The following PTGER3 variants were observed in gnomAD, a reference collection of about 807,000 sequenced individuals.
PTGER3 encodes prostaglandin E receptor 3.
In PTGER3, 22 loss-of-function variants were observed where a neutral mutation model predicts 34.7. The ratio of observed to expected loss-of-function variants is 0.63; its 90% CI spans 0.45 to 0.91. The LOEUF is 0.91. Ranked by LOEUF, PTGER3 falls within the 40% of genes least tolerant of loss-of-function variation. The probability of loss-of-function intolerance (pLI) is 0.00; values close to 1 mark genes in which losing one functional copy is unlikely to be tolerated. For missense variants in PTGER3, 468 were observed against 519.4 expected (o/e 0.90, Z 0.96); for synonymous variants, 241 against 230.1 (o/e 1.05, Z -0.43).
chr1:71,043,411 A>G (rs1660480010), intron 1 of PTGER3, among the ~76,000 whole-genome samples: 1 of 152,190 alleles, frequency 6.6e-6, no homozygotes, highest in South Asian at 2.1e-4. Context: ...ACCTCTATTT[A>G]AGTATTTATG....
chr1:71,006,588 T>C (rs1412175223), intron 2 of PTGER3: 2 of 979,674 alleles, frequency 2.0e-6, no homozygotes, highest in Admixed American at 1.2e-4. Flanking sequence ...AGAACAATAA[T>C]CTTGAGATAA....
At chr1:70,917,632 A>C (rs367742758) in intron 4 of PTGER3, among the ~76,000 whole-genome samples, 1 of 151,784 alleles carries the variant, frequency 6.6e-6, no homozygotes, top group Admixed American at 6.6e-5. Flanking sequence ...GGAACCCCCA[A>C]ATTGTTTTCC....
At chr1:70,920,197 T>A (rs1449850597) in intron 4 of PTGER3, among the ~76,000 whole-genome samples, 1 of 152,150 alleles carries the variant, frequency 6.6e-6, no homozygotes, top group Admixed American at 6.6e-5. Flanking sequence ...CAAGGTGAAA[T>A]GAATGTTCAA....
intron 2 of PTGER3, among the ~76,000 whole-genome samples, chr1:70,955,873 T>C (rs1435961307): frequency 6.6e-6 from 1 of 152,134 alleles, no homozygotes; most frequent in Non-Finnish European, 1.5e-5. Flanking sequence ...ATTATACATT[T>C]ATTTTTTGGA....
intron 2 of PTGER3, chr1:71,010,608 T>C: frequency 1.0e-6 from 1 of 984,878 alleles, no homozygotes; most frequent in Non-Finnish European, 1.2e-6. Context: ...CAGTGCACTT[T>C]TGAAAAAAAG....
chr1:70,887,872 TTC>T (rs1646531224), intron 4 of PTGER3, among the ~76,000 whole-genome samples: 1 of 151,778 alleles, frequency 6.6e-6, no homozygotes, highest in South Asian at 2.1e-4. Context: ...GAAACATATT[TTC>T]TTTCTTCCAT....
At chr1:70,940,152 G>A (rs1220822169) in intron 4 of PTGER3, among the ~76,000 whole-genome samples, 1 of 152,130 alleles carries the variant, frequency 6.6e-6, no homozygotes, top group Non-Finnish European at 1.5e-5. Context: ...TAGGGCAGGG[G>A]CAAAATGCCA....
chr1:70,925,839 C>G (rs1379563955), intron 4 of PTGER3, among the ~76,000 whole-genome samples: 1 of 152,014 alleles, frequency 6.6e-6, no homozygotes, highest in Non-Finnish European at 1.5e-5. Flanking sequence ...TCGGTAGTGG[C>G]TTCATAGGCA....
At position 70,869,349 on chromosome 1, in the gene PTGER3, A is replaced by G. The variant is rs113414183; in HGVS notation, c.*24-16490T>C. On this transcript the variant is annotated intron_variant, in intron 4 of 4. Transcript: ENST00000370931. ...ATTGGGGAATACAATTCAACATGAG[A>G]TTTGGGCATGGACAAATATCCAAAC... The G allele has an allele frequency of 2.6e-3, 1,203 of 462,426 alleles. 12 individuals carry two copies. The highest frequency in any genetic ancestry group is 0.022 in the African/African-American group (1,096 of 49,898). The allele number at this position is 462,426 out of a possible 1,614,324, so 28.6% of individuals were successfully genotyped here.
intron 2 of PTGER3, chr1:71,011,090 T>G (rs1572924482): frequency 9.1e-6 from 9 of 985,752 alleles, no homozygotes; most frequent in Non-Finnish European, 1.1e-5. Flanking sequence ...TGGGGAGACA[T>G]TTTTAAGAAG....
intron 2 of PTGER3, chr1:71,006,552 A>C: frequency 1.0e-6 from 1 of 983,398 alleles, no homozygotes; most frequent in Non-Finnish European, 1.2e-6. Context: ...TAAGCTTACA[A>C]TAATTTATAA....
downstream of PTGER3, among the ~76,000 whole-genome samples, chr1:70,966,142 C>G (rs147870024): frequency 0.012 from 1,771 of 152,298 alleles, 33 homozygotes; most frequent in African/African-American, 0.041. Context: ...TATATTTTCT[C>G]CTGTTCTCAT....
chr1:71,039,649 CAAAAAAAAAAA>C (rs1183485427), intron 1 of PTGER3, among the ~76,000 whole-genome samples: 1 of 54,476 alleles, frequency 1.8e-5, no homozygotes. Flanking sequence ...GACTCTGTCT[CAAAAAAAAAAA>C]AAAAAAAAAA....
At chr1:70,931,738 TG>T (rs926629318) in intron 4 of PTGER3, among the ~76,000 whole-genome samples, 2 of 152,162 alleles carry the variant, frequency 1.3e-5, no homozygotes, top group African/African-American at 4.8e-5. Context: ...GCCCACAGCA[TG>T]GGAACCCTGA....
At chr1:71,014,043 T>C (rs1657677902) in intron 1 of PTGER3, among the ~76,000 whole-genome samples, 2 of 152,234 alleles carry the variant, frequency 1.3e-5, no homozygotes, top group African/African-American at 4.8e-5. Flanking sequence ...TTGTGTTAAA[T>C]AAACATATAT....
intron 4 of PTGER3, among the ~76,000 whole-genome samples, chr1:70,905,888 T>C (rs1646936889): frequency 6.6e-6 from 1 of 152,132 alleles, no homozygotes; most frequent in South Asian, 2.1e-4. Flanking sequence ...ATGATTTGAC[T>C]GTGTCCCCAC....
At chr1:70,897,011 CCA>C (rs1491458531) in intron 4 of PTGER3, among the ~76,000 whole-genome samples, 2 of 152,138 alleles carry the variant, frequency 1.3e-5, no homozygotes, top group Admixed American at 6.6e-5. Context: ...AGATGTGCCT[CCA>C]CCCATGGATC....
chr1:70,895,497 A>G (rs1245181152), intron 4 of PTGER3, among the ~76,000 whole-genome samples: 1 of 152,240 alleles, frequency 6.6e-6, no homozygotes, highest in East Asian at 1.9e-4. Context: ...ATCCAGTGTA[A>G]GAGCTGATTA....
Position 71,047,780 on chromosome 1 carries a change from C to T in PTGER3, c.-203G>A, listed in dbSNP as rs1661005620. On this transcript the variant is annotated 5_prime_UTR_variant, in exon 1 of 4. Transcript: ENST00000306666. ...AGGGCTCACTGGCCCGGGAGGGAGC[C>T]ACGCCTTCCTCTCTGGGAAACCTCT... 2.3e-6 allele frequency: 1 copy of T among 431,376 alleles called. No homozygotes were observed. The highest frequency in any genetic ancestry group is 3.7e-6 in the Non-Finnish European group (1 of 266,966). 26.7% of individuals were successfully genotyped at this position (431,376 alleles called of 1,614,324 possible). A position where few individuals can be genotyped will look rare whatever the true frequency, so the allele number is the denominator to read the frequency against.
Sources: allele counts gnomAD v4.1 joint callset (sites outside exome capture counted in the v4.1 genomes callset), GRCh38; gene constraint gnomAD v4.1.1; transcripts MANE v1.5; gene names NCBI Gene and HGNC (gene_info 2026-07-23, HGNC 2026-07-21).